The following RNLS variants were observed in gnomAD, a reference collection of about 807,000 sequenced individuals.
RNLS encodes the protein renalase.
Under a neutral mutation model 39.8 loss-of-function variants are expected in RNLS, and 39 were observed. The observed-to-expected ratio is 0.98, with a 90% CI of 0.76 to 1.28. The LOEUF (loss-of-function observed/expected upper bound fraction) is 1.28, where lower values mean the gene tolerates loss of function less well. Ranked by LOEUF, RNLS falls within the 50% of genes most tolerant of loss-of-function variation. RNLS has a pLI of 0.00. For synonymous variants in RNLS, 147 were observed against 150.7 expected (o/e 0.98, Z 0.18); for missense variants, 410 against 413.3 (o/e 0.99, Z 0.07).
chr10:88,250,605 T>C, the RNLS span, among the ~76,000 whole-genome samples: 2 of 152,230 alleles, frequency 1.3e-5, no homozygotes, highest in Non-Finnish European at 2.9e-5. Context: ...ACTTCTGATA[T>C]TTTTTAGAAG....
At chr10:88,247,414 A>G in the RNLS span, among the ~76,000 whole-genome samples, 1 of 152,172 alleles carries the variant, frequency 6.6e-6, no homozygotes, top group Admixed American at 6.5e-5. Flanking sequence ...AGGTCAGAAA[A>G]AATAGAATGA....
chr10:88,311,831 G>C (rs1450443558), intron 6 of RNLS, among the ~76,000 whole-genome samples: 3 of 152,120 alleles, frequency 2.0e-5, no homozygotes, highest in African/African-American at 7.2e-5. Context: ...ATGGATATGC[G>C]ACATTAGGAA....
rs116021004 is a variant in RNLS at position 88,443,237 on chromosome 10, C to T, written c.527-80512G>A. The stretch of plus-strand genomic sequence containing the variant: ...CCAATTTTTTACATTTTCTACACTG[C>T]GGCCAGAGTGAGTTTTCTAAAACTG... On this transcript the variant is annotated intron_variant, in intron 4 of 6. Coordinates refer to ENST00000331772, the MANE Select transcript of RNLS (RefSeq NM_001031709.3). Among the ~76,000 whole-genome samples the T allele has an allele frequency of 5.4e-3, 827 of 152,222 alleles. 5 individuals are homozygous for T. The highest frequency in any genetic ancestry group is 0.019 in the African/African-American group (781 of 41,522).
At chr10:88,299,055 A>G (rs1283914263) in intron 6 of RNLS, among the ~76,000 whole-genome samples, 1 of 152,130 alleles carries the variant, frequency 6.6e-6, no homozygotes, top group Non-Finnish European at 1.5e-5. Flanking sequence ...TCTCTTCTTT[A>G]GTGAAGTACT....
chr10:88,174,674 C>T, the RNLS span, among the ~76,000 whole-genome samples: 2,883 of 152,108 alleles, frequency 0.019, 93 homozygotes, highest in African/African-American at 0.066. Context: ...ATTTTGTTGA[C>T]GATTTTTTGC....
intron 4 of RNLS, among the ~76,000 whole-genome samples, chr10:88,560,557 G>T (rs1358483289): frequency 6.6e-6 from 1 of 152,034 alleles, no homozygotes; most frequent in African/African-American, 2.4e-5. Context: ...TCCAAACCCC[G>T]TAAGCAGAGA....
intron 4 of RNLS, among the ~76,000 whole-genome samples, chr10:88,446,427 A>T (rs1315710055): frequency 6.6e-6 from 1 of 152,200 alleles, no homozygotes; most frequent in Admixed American, 6.5e-5. Flanking sequence ...GAGCAAACAC[A>T]TTCAAAAGCT....
intron 6 of RNLS, among the ~76,000 whole-genome samples, chr10:88,307,954 A>T (rs901262887): frequency 2.0e-5 from 3 of 152,214 alleles, no homozygotes; most frequent in Non-Finnish European, 4.4e-5. Context: ...GCCCAATGGA[A>T]CAGAATAGAG....
rs559040818 is a variant in RNLS, at chr10:88,355,637, C to T, written c.700+6915G>A. Among the ~76,000 whole-genome samples, 313 of 152,262 alleles carry T rather than the reference C, an allele frequency of 2.1e-3. 3 individuals are homozygous for T. Among genetic ancestry groups the T allele is most frequent in the African/African-American group, 6.8e-3 (284 of 41,556 alleles). On this transcript the variant is annotated intron_variant, in intron 5 of 6. Transcript: ENST00000331772. ...GTCTGCCCCTACTGAGGGGTGCCTCCGAGATAGGCTACTCGGGGGTCAGGG... is the reference window on the plus strand; with the variant it reads ...GTCTGCCCCTACTGAGGGGTGCCTCTGAGATAGGCTACTCGGGGGTCAGGG...
intron 4 of RNLS, among the ~76,000 whole-genome samples, chr10:88,433,124 G>GT (rs1383492860): frequency 5.3e-5 from 8 of 151,986 alleles, no homozygotes; most frequent in African/African-American, 1.9e-4. Context: ...ACTCCAGATT[G>GT]TTTTACATAT....
Position 88,362,668 on chromosome 10 carries a change from G to T in RNLS, c.584C>A (p.Ala195Asp). The T allele has an allele frequency of 6.2e-7, 1 of 1,613,920 alleles. No homozygotes were observed. The highest frequency in any genetic ancestry group is 8.5e-7 in the Non-Finnish European group (1 of 1,179,918). ...ACCAGCTTCATAAAAGAGGCCCAGA[G>T]CATATCGAGAGGAGTAGCTCACAGC... is the stretch of plus-strand genomic sequence containing the variant. ...LEAVSYSSRY[A>D]LGLFYEAGTK... The change falls in exon 5 of 7, where the codon GCT becomes GAT. Residue 195 changes from alanine (A) to aspartate (D), a missense_variant. Coordinates refer to ENST00000331772, the MANE Select transcript of RNLS (RefSeq NM_001031709.3).
chr10:88,310,900 A>AGAAGAT (rs1449392374), intron 6 of RNLS, among the ~76,000 whole-genome samples: 1 of 151,938 alleles, frequency 6.6e-6, no homozygotes, highest in Admixed American at 6.6e-5. Flanking sequence ...ATATAACTAC[A>AGAAGAT]GAAGATAACT....
At chr10:88,512,960 C>T (rs1004343088) in intron 4 of RNLS, among the ~76,000 whole-genome samples, 1 of 152,132 alleles carries the variant, frequency 6.6e-6, no homozygotes, top group African/African-American at 2.4e-5. Flanking sequence ...ATAATACCTA[C>T]CTCACAGGCT....
chr10:88,480,585 C>G (rs183418873), intron 4 of RNLS, among the ~76,000 whole-genome samples: 1 of 152,284 alleles, frequency 6.6e-6, no homozygotes, highest in East Asian at 1.9e-4. Flanking sequence ...CCACGCCCAG[C>G]TAATTTTGTA....
At chr10:88,482,822 A>G (rs189303268) in intron 4 of RNLS, among the ~76,000 whole-genome samples, 5 of 152,120 alleles carry the variant, frequency 3.3e-5, no homozygotes, top group African/African-American at 1.2e-4. Context: ...TATTGTTGCC[A>G]TTTGTTTTTT....
intron 5 of RNLS, among the ~76,000 whole-genome samples, chr10:88,353,565 C>T (rs1012489276): frequency 2.6e-5 from 4 of 152,168 alleles, no homozygotes; most frequent in African/African-American, 7.2e-5. Context: ...ATTGCACTGT[C>T]GTCTCAGAGA....
intron 4 of RNLS, among the ~76,000 whole-genome samples, chr10:88,469,797 A>C (rs1843405972): frequency 6.7e-6 from 1 of 148,612 alleles, no homozygotes; most frequent in Non-Finnish European, 1.5e-5. Context: ...GGATCCATCT[A>C]TGGGTCAATA....
chr10:88,520,181 T>C (rs2134192491), intron 4 of RNLS, among the ~76,000 whole-genome samples: 1 of 152,110 alleles, frequency 6.6e-6, no homozygotes. Context: ...AGTGAGAAGT[T>C]CTTTGTTTTT....
chr10:88,288,344 C>T (rs936557564), intron 6 of RNLS, among the ~76,000 whole-genome samples: 2 of 152,100 alleles, frequency 1.3e-5, no homozygotes, highest in African/African-American at 4.8e-5. Context: ...GACTCCAGAA[C>T]TTACATTTCC....
Sources: allele counts gnomAD v4.1 joint callset (sites outside exome capture counted in the v4.1 genomes callset), GRCh38; gene constraint gnomAD v4.1.1; transcripts MANE v1.5; gene names NCBI Gene and HGNC (gene_info 2026-07-23, HGNC 2026-07-21).